PTPRE: variants seen among roughly 807,000 people sequenced by gnomAD.
PTPRE encodes the protein protein tyrosine phosphatase receptor type E.
A neutral mutation model predicts 102.0 loss-of-function variants in PTPRE; 51 were observed. The ratio of observed to expected loss-of-function variants is 0.50; its 90% CI spans 0.40 to 0.63. PTPRE has a LOEUF of 0.63. PTPRE is among the 30% of genes least tolerant of loss of function. The pLI, the probability that PTPRE is intolerant of heterozygous loss-of-function variation, is 0.00. For synonymous variants in PTPRE, 345 were observed against 348.2 expected, an observed-to-expected ratio of 0.99 and a Z score of 0.10; for missense variants, 752 against 915.1, an observed-to-expected ratio of 0.82 and a Z score of 2.30.
At chr10:128,030,518 T>C (rs989569482) in intron 2 of PTPRE, among the ~76,000 whole-genome samples, 7 of 152,176 alleles carry the variant, frequency 4.6e-5, no homozygotes, top group Non-Finnish European at 4.4e-5. Flanking sequence ...TGAGTTGATG[T>C]GCTGGAGAGA....
intron 1 of PTPRE, among the ~76,000 whole-genome samples, chr10:127,930,323 T>C (rs1338145584): frequency 6.6e-6 from 1 of 152,176 alleles, no homozygotes; most frequent in Non-Finnish European, 1.5e-5. Flanking sequence ...ACTGATCTAT[T>C]CTCTATCTTT....
intron 1 of PTPRE, among the ~76,000 whole-genome samples, chr10:127,953,485 T>A (rs570393339): frequency 1.3e-5 from 2 of 152,304 alleles, no homozygotes; most frequent in African/African-American, 4.8e-5. Context: ...CTGGGTGTGA[T>A]CTGACCCACC....
intron 2 of PTPRE, among the ~76,000 whole-genome samples, chr10:128,009,505 C>T (rs900623965): frequency 8.5e-5 from 13 of 152,202 alleles, no homozygotes; most frequent in African/African-American, 3.1e-4. Context: ...CCCTGTGTGC[C>T]AGCCAGTGCC....
intron 5 of PTPRE, among the ~76,000 whole-genome samples, chr10:128,049,144 C>T (rs951490185): frequency 7.3e-5 from 11 of 151,612 alleles, no homozygotes; most frequent in African/African-American, 2.7e-4. Flanking sequence ...ATTACTCTTT[C>T]TTATTTCCAA....
intron 5 of PTPRE, among the ~76,000 whole-genome samples, chr10:128,048,603 G>A (rs181244117): frequency 7.9e-4 from 120 of 152,292 alleles, no homozygotes; most frequent in Middle Eastern, 3.4e-3. Context: ...CGCGGGACCC[G>A]AGACCTGGTT....
chr10:127,913,146 G>C (rs573526713), intron 1 of PTPRE, among the ~76,000 whole-genome samples: 1 of 152,190 alleles, frequency 6.6e-6, no homozygotes, highest in Non-Finnish European at 1.5e-5. Flanking sequence ...CACGGGGATC[G>C]GTGGAGGTGG....
intron 1 of PTPRE, among the ~76,000 whole-genome samples, chr10:127,955,030 C>T (rs530536329): frequency 7.9e-5 from 12 of 151,836 alleles, no homozygotes; most frequent in African/African-American, 2.2e-4. Context: ...GTGTTGGCTG[C>T]GGTGACTGAT....
chr10:127,970,153 C>G lies in PTPRE; in HGVS notation c.-30-12121C>G, dbSNP rs550874619. On this transcript the variant is annotated intron_variant, in intron 1 of 20. Coordinates refer to ENST00000254667, the MANE Select transcript of PTPRE (RefSeq NM_006504.6). Reference sequence around the variant, plus strand: ...GCCCCCAGTGGCCTGGAAGTCCAGCCCACACTCCCAGACTCCAGCTGGGAG... The same window carrying G: ...GCCCCCAGTGGCCTGGAAGTCCAGCGCACACTCCCAGACTCCAGCTGGGAG... Among the ~76,000 whole-genome samples, 114 of 152,306 alleles carry G rather than the reference C, an allele frequency of 7.5e-4. 1 individual carries two copies. The highest frequency in any genetic ancestry group is 1.6e-3 in the Admixed American group (25 of 15,308).
intron 8 of PTPRE, 66 bp from the exon 9 acceptor site, chr10:128,061,613 A>T (rs566537312): frequency 3.3e-6 from 5 of 1,537,074 alleles, no homozygotes; most frequent in Non-Finnish European, 4.4e-6. Context: ...CCTAACAGCA[A>T]CACCAACAAA....
intron 11 of PTPRE, among the ~76,000 whole-genome samples, chr10:128,067,348 T>TCACACACG (rs1248608729): frequency 1.1e-5 from 1 of 94,060 alleles, no homozygotes; most frequent in Admixed American, 1.0e-4. Flanking sequence ...CCACACACAT[T>TCACACACG]CACACACGCA....
At chr10:128,067,153 A>C (rs1345442158) in intron 11 of PTPRE, among the ~76,000 whole-genome samples, 4 of 136,134 alleles carry the variant, frequency 2.9e-5, no homozygotes, top group South Asian at 2.3e-4. Context: ...GTGCACACAC[A>C]CCCCACTCAC....
chr10:128,065,974 CTCCAG>C (rs1278174639), intron 10 of PTPRE, 96 bp from the exon 11 acceptor site: 37 of 1,530,054 alleles, frequency 2.4e-5, no homozygotes, highest in Non-Finnish European at 3.3e-5. Context: ...AGCTGTGTGA[CTCCAG>C]CTGGTGTGTG....
intron 3 of PTPRE, among the ~76,000 whole-genome samples, chr10:128,046,720 G>T (rs1411183518): frequency 6.6e-6 from 1 of 152,196 alleles, no homozygotes; most frequent in Non-Finnish European, 1.5e-5. Flanking sequence ...CTTGGAATTT[G>T]GGCTGATGAG....
chr10:127,996,331 C>T (rs1853262744), intron 2 of PTPRE, among the ~76,000 whole-genome samples: 1 of 152,208 alleles, frequency 6.6e-6, no homozygotes, highest in African/African-American at 2.4e-5. Flanking sequence ...AAATCGCTTT[C>T]CACCATAGAA....
At chr10:127,962,667 C>T (rs962707641) in intron 1 of PTPRE, among the ~76,000 whole-genome samples, 26 of 151,950 alleles carry the variant, frequency 1.7e-4, no homozygotes, top group African/African-American at 3.9e-4. Flanking sequence ...AGGCCCTCAG[C>T]GGGGCGGCTG....
intron 1 of PTPRE, among the ~76,000 whole-genome samples, chr10:127,951,567 G>T (rs1187688037): frequency 6.6e-6 from 1 of 152,152 alleles, no homozygotes; most frequent in Non-Finnish European, 1.5e-5. Context: ...GACTCAGGGG[G>T]TCCCTGACCC....
chr10:127,963,447 G>A (rs1445272810), intron 1 of PTPRE, among the ~76,000 whole-genome samples: 1 of 152,202 alleles, frequency 6.6e-6, no homozygotes, highest in Non-Finnish European at 1.5e-5. Flanking sequence ...GCTTCTGGGT[G>A]GATGCATCCT....
intron 1 of PTPRE, among the ~76,000 whole-genome samples, chr10:127,955,297 CATACATACATACATACATACATACATAT>C (rs1234910049): frequency 6.6e-6 from 1 of 151,162 alleles, no homozygotes; most frequent in Middle Eastern, 3.2e-3. Flanking sequence ...TACATACATA[CATACATACATACATACATACATACATAT>C]ATACATACAC....
chr10:128,082,199 T>C (rs10764746), intron 20 of PTPRE, among the ~76,000 whole-genome samples: 4,740 of 40,884 alleles, frequency 0.12, 322 homozygotes, highest in African/African-American at 0.2. Context: ...CTCTTTCTTT[T>C]TTTTTTTTTT....
Sources: allele counts gnomAD v4.1 joint callset (sites outside exome capture counted in the v4.1 genomes callset), GRCh38; gene constraint gnomAD v4.1.1; transcripts MANE v1.5; gene names NCBI Gene and HGNC (gene_info 2026-07-23, HGNC 2026-07-21).